COMMD10: variants seen among roughly 807,000 people sequenced by gnomAD.
The protein encoded by COMMD10 is COMM domain-containing protein 10.
In COMMD10, 33 loss-of-function variants were observed where a neutral mutation model predicts 28.9. The observed-to-expected ratio is 1.14, with a 90% CI of 0.87 to 1.53. The LOEUF (loss-of-function observed/expected upper bound fraction) is 1.53, where lower values mean the gene tolerates loss of function less well. Ranked by LOEUF, COMMD10 falls within the 40% of genes most tolerant of loss-of-function variation. The pLI, the probability that COMMD10 is intolerant of heterozygous loss-of-function variation, is 0.00. For missense variants in COMMD10, 310 were observed against 233.4 expected (o/e 1.33, Z -2.14); for synonymous variants, 110 against 81.7 (o/e 1.35, Z -1.87).
At chr5:116,202,675 C>A (rs1228395663) in intron 5 of COMMD10, among the ~76,000 whole-genome samples, 108 of 151,792 alleles carry the variant, frequency 7.1e-4, no homozygotes, top group Admixed American at 2.5e-3. Flanking sequence ...TTGGCTGCAT[C>A]AGTGTCTTCT....
chr5:116,222,091 G>T (rs1215308792), intron 5 of COMMD10, among the ~76,000 whole-genome samples: 1 of 152,164 alleles, frequency 6.6e-6, no homozygotes, highest in African/African-American at 2.4e-5. Context: ...GGAGGAAAAA[G>T]AATGTTAATG....
chr5:116,265,594 A>G (rs10066072), intron 5 of COMMD10, among the ~76,000 whole-genome samples: 106,670 of 151,520 alleles, frequency 0.7, 40,859 homozygotes, highest in South Asian at 0.85. Flanking sequence ...CAAGTTAACA[A>G]GCATTTATTA....
At chr5:116,133,925 T>G in intron 4 of COMMD10, 143 bp from the exon 5 acceptor site, 1 of 557,058 alleles carries the variant, frequency 1.8e-6, no homozygotes, top group Admixed American at 3.3e-5. Context: ...TCGCAGAGTA[T>G]GCAGGTTAAA....
At chr5:116,192,953 A>G (rs973337537) in intron 5 of COMMD10, among the ~76,000 whole-genome samples, 3 of 152,244 alleles carry the variant, frequency 2.0e-5, no homozygotes, top group Non-Finnish European at 4.4e-5. Flanking sequence ...CTATTGGATT[A>G]ACAGCAGATT....
At chr5:116,196,022 G>C (rs1561661782) in intron 5 of COMMD10, among the ~76,000 whole-genome samples, 1 of 152,172 alleles carries the variant, frequency 6.6e-6, no homozygotes, top group Non-Finnish European at 1.5e-5. Context: ...GGAAGACAGT[G>C]TGGAGATTTC....
In COMMD10 at chr5:116,108,603, G is replaced by A. The variant is rs1292709475; in HGVS notation, c.399+15903G>A. Among the ~76,000 whole-genome samples the A allele has an allele frequency of 2.6e-5, 4 of 152,212 alleles. 1 individual carries two copies. Among genetic ancestry groups the A allele is most frequent in the East Asian group, 1.9e-4 (1 of 5,196 alleles). On this transcript the variant is annotated intron_variant, in intron 4 of 6. Coordinates refer to ENST00000274458, the MANE Select transcript of COMMD10 (RefSeq NM_016144.4). ...GTGCTAGCAGCGAGAATTTCACGTCGGTGGATCTTAGCTTGCTGTACTCTG... is the reference window on the plus strand; with the variant it reads ...GTGCTAGCAGCGAGAATTTCACGTCAGTGGATCTTAGCTTGCTGTACTCTG...
At chr5:116,284,431 ATG>A (rs2112711736) in intron 5 of COMMD10, among the ~76,000 whole-genome samples, 1 of 151,890 alleles carries the variant, frequency 6.6e-6, no homozygotes, top group South Asian at 2.1e-4. Context: ...CAAGATGTGG[ATG>A]TGTTTTCATA....
intron 5 of COMMD10, among the ~76,000 whole-genome samples, chr5:116,242,803 T>G (rs1161810238): frequency 6.6e-6 from 1 of 152,146 alleles, no homozygotes; most frequent in African/African-American, 2.4e-5. Flanking sequence ...GTATTATGCT[T>G]CACTAGAATG....
At chr5:116,290,118 T>C (rs1751325718) in intron 5 of COMMD10, among the ~76,000 whole-genome samples, 1 of 151,822 alleles carries the variant, frequency 6.6e-6, no homozygotes, top group African/African-American at 2.4e-5. Context: ...TCCTATCTTT[T>C]TGGATGGAGG....
chr5:116,116,173 T>A (rs1554085280), intron 4 of COMMD10, among the ~76,000 whole-genome samples: 1 of 152,170 alleles, frequency 6.6e-6, no homozygotes, highest in Non-Finnish European at 1.5e-5. Flanking sequence ...CCTATAACAT[T>A]AAAAAAATCC....
intron 5 of COMMD10, among the ~76,000 whole-genome samples, chr5:116,138,774 A>G (rs999508211): frequency 6.6e-6 from 1 of 151,760 alleles, no homozygotes; most frequent in Non-Finnish European, 1.5e-5. Flanking sequence ...TTCTAATACT[A>G]GTTTTCTGAC....
intron 5 of COMMD10, among the ~76,000 whole-genome samples, chr5:116,192,262 A>AC (rs35913184): frequency 0.032 from 4,586 of 142,646 alleles, 82 homozygotes; most frequent in Non-Finnish European, 0.035. Context: ...CTCTTTAACA[A>AC]CCCCCCCCCC....
At chr5:116,100,307 CTT>C (rs1447776644) in intron 4 of COMMD10, among the ~76,000 whole-genome samples, 1 of 151,974 alleles carries the variant, frequency 6.6e-6, no homozygotes, top group Non-Finnish European at 1.5e-5. Flanking sequence ...TATAATCACA[CTT>C]GTTTGTTTTT....
intron 5 of COMMD10, among the ~76,000 whole-genome samples, chr5:116,151,226 A>G (rs1752516061): frequency 1.3e-5 from 2 of 151,470 alleles, no homozygotes; most frequent in Non-Finnish European, 2.9e-5. Context: ...TTCATGGTGG[A>G]TAAGCTTTTT....
chr5:116,228,565 G>A (rs10073557), intron 5 of COMMD10, among the ~76,000 whole-genome samples: 125,155 of 151,914 alleles, frequency 0.82, 52,645 homozygotes, highest in Admixed American at 0.91. Context: ...TTAATAGACC[G>A]CTGCTTTTCT....
At chr5:116,114,377 TC>T (rs1751160365) in intron 4 of COMMD10, among the ~76,000 whole-genome samples, 1 of 152,092 alleles carries the variant, frequency 6.6e-6, no homozygotes, top group Admixed American at 6.5e-5. Flanking sequence ...TAAGATGCTC[TC>T]CCCAGTGCCC....
intron 5 of COMMD10, among the ~76,000 whole-genome samples, chr5:116,230,230 G>A (rs766309759): frequency 6.6e-6 from 1 of 151,886 alleles, no homozygotes; most frequent in Admixed American, 6.6e-5. Context: ...TTTTGCTTTT[G>A]TTTTATTTTT....
At chr5:116,230,131 C>G (rs942260102) in intron 5 of COMMD10, among the ~76,000 whole-genome samples, 1 of 151,952 alleles carries the variant, frequency 6.6e-6, no homozygotes, top group African/African-American at 2.4e-5. Flanking sequence ...GAATTATGTT[C>G]ACTAAAAAGT....
At chr5:116,175,447 T>A (rs777151953) in intron 5 of COMMD10, among the ~76,000 whole-genome samples, 17 of 152,150 alleles carry the variant, frequency 1.1e-4, no homozygotes, top group Non-Finnish European at 2.1e-4. Context: ...TAAAATTGTA[T>A]AGCCACTCTG....
Sources: gnomAD v4.1 joint callset for allele counts (sites outside exome capture counted in the v4.1 genomes callset) on GRCh38, gnomAD v4.1.1 for gene constraint, MANE v1.5 for transcripts, NCBI Gene and HGNC (gene_info 2026-07-23, HGNC 2026-07-21) for gene names.